Variants in SP3 observed in about 807,000 individuals in gnomAD.
SP3 encodes the protein transcription factor Sp3.
In SP3, 10 loss-of-function variants were observed where a neutral mutation model predicts 70.3. The ratio of observed to expected loss-of-function variants is 0.14; its 90% CI spans 0.09 to 0.24. The LOEUF is 0.24. SP3 is among the 10% of genes least tolerant of loss of function. The probability of loss-of-function intolerance (pLI) is 1.00; values close to 1 mark genes in which losing one functional copy is unlikely to be tolerated. For synonymous variants in SP3, 402 were observed against 333.5 expected (o/e 1.21, Z -2.24); for missense variants, 825 against 914.6 (o/e 0.90, Z 1.26).
At chr2:173,931,549 G>A (rs1690067673) in intron 4 of SP3, among the ~76,000 whole-genome samples, 1 of 133,458 alleles carries the variant, frequency 7.5e-6, no homozygotes, top group Non-Finnish European at 1.7e-5. Context: ...TCACCATATT[G>A]GCCAGGCTGG....
At chr2:173,926,627 G>C (rs1689917452) in intron 4 of SP3, among the ~76,000 whole-genome samples, 1 of 152,040 alleles carries the variant, frequency 6.6e-6, no homozygotes, top group Non-Finnish European at 1.5e-5. Context: ...AGCAAGACCA[G>C]TCTCTACCAA....
chr2:173,911,936 A>C (rs897692714), intron 6 of SP3, among the ~76,000 whole-genome samples: 5 of 145,576 alleles, frequency 3.4e-5, no homozygotes, highest in African/African-American at 1.0e-4. Flanking sequence ...CTCCCACCTC[A>C]GCCTCCTGAG....
chr2:173,951,772 CTA>C (rs1017615803), intron 4 of SP3, among the ~76,000 whole-genome samples: 49 of 152,192 alleles, frequency 3.2e-4, no homozygotes, highest in African/African-American at 1.2e-3. Context: ...TGTAAACTTT[CTA>C]TACTGTTATT....
chr2:173,965,061 GCA>G (rs1691248677), intron 1 of SP3, 102 bp downstream of exon 1: 8 of 1,438,876 alleles, frequency 5.6e-6, no homozygotes, highest in South Asian at 3.7e-5. Flanking sequence ...ACACTCGGTC[GCA>G]CACACGGGGC....
chr2:173,907,073 G>A lies in SP3; in HGVS notation c.*2868C>T, dbSNP rs923987783. The A allele has an allele frequency of 2.6e-5, 4 of 152,248 alleles. No homozygotes were observed. The highest frequency in any genetic ancestry group is 7.2e-5 in the African/African-American group (3 of 41,560). The allele number at this position is 152,248 out of a possible 1,614,324, so 9.4% of individuals were successfully genotyped here. A position where few individuals can be genotyped will look rare whatever the true frequency, so the allele number is the denominator to read the frequency against. ...AGGTGTAGCTCCTTTAAAAGGTTAT[G>A]TGCTTTTTGGTTGAGTCACTTTTCA... is the stretch of plus-strand genomic sequence containing the variant. On this transcript the variant is annotated 3_prime_UTR_variant, in exon 7 of 7. Transcript: ENST00000310015.
chr2:173,960,156 C>T (rs183562934), intron 3 of SP3, among the ~76,000 whole-genome samples: 102 of 152,254 alleles, frequency 6.7e-4, no homozygotes, highest in South Asian at 1.2e-3. Context: ...GGAGACAAAG[C>T]GAGCCTTTCT....
intron 4 of SP3, among the ~76,000 whole-genome samples, chr2:173,941,962 G>T (rs370334220): frequency 1.3e-5 from 2 of 152,046 alleles, no homozygotes; most frequent in African/African-American, 2.4e-5. Context: ...TCTCATTCAC[G>T]GTATCTTACC....
At chr2:173,932,471 G>A (rs771939313) in intron 4 of SP3, among the ~76,000 whole-genome samples, 1 of 152,166 alleles carries the variant, frequency 6.6e-6, no homozygotes, top group Non-Finnish European at 1.5e-5. Flanking sequence ...GATTACAGGA[G>A]TGAGCCACCG....
intron 6 of SP3, among the ~76,000 whole-genome samples, chr2:173,912,172 C>T (rs536041587): frequency 2.2e-4 from 33 of 152,354 alleles, no homozygotes; most frequent in Admixed American, 1.6e-3. Flanking sequence ...TTAATCTCAT[C>T]TGTCTACCTA....
At chr2:173,964,314 G>C (rs1419864663) in intron 2 of SP3, 91 bp downstream of exon 2, 7 of 600,602 alleles carry the variant, frequency 1.2e-5, no homozygotes, top group Non-Finnish European at 3.0e-6. Flanking sequence ...GAGACGAGGA[G>C]GGAGGGGTGA....
intron 4 of SP3, among the ~76,000 whole-genome samples, chr2:173,926,874 G>A (rs773682402): frequency 3.9e-5 from 6 of 152,032 alleles, no homozygotes; most frequent in Non-Finnish European, 7.4e-5. Context: ...GTATTAGTCC[G>A]TTCTCCCACT....
chr2:173,923,541 TAAGATA>T (rs1371657935), intron 4 of SP3, among the ~76,000 whole-genome samples: 1 of 152,118 alleles, frequency 6.6e-6, no homozygotes, highest in African/African-American at 2.4e-5. Context: ...ACAGAACATT[TAAGATA>T]AATTCTTAAC....
intron 3 of SP3, among the ~76,000 whole-genome samples, chr2:173,956,519 T>C (rs920804903): frequency 2.0e-5 from 3 of 152,154 alleles, no homozygotes; most frequent in Non-Finnish European, 4.4e-5. Flanking sequence ...TCTCTAACAC[T>C]ACACAGTTAA....
At chr2:173,960,814 C>CAAA (rs142922056) in intron 3 of SP3, among the ~76,000 whole-genome samples, 5 of 143,358 alleles carry the variant, frequency 3.5e-5, no homozygotes, top group Admixed American at 2.8e-4. Flanking sequence ...ACTAAAAATA[C>CAAA]AAAAAAAAAA....
At chr2:173,913,287 A>G (rs1184992698) in intron 5 of SP3, 21 bp from the exon 6 acceptor site, 13 of 1,455,508 alleles carry the variant, frequency 8.9e-6, no homozygotes, top group Non-Finnish European at 1.0e-5. Context: ...CACATAGAAT[A>G]ATATATACTT....
rs2105449506 is a variant in SP3 at position 173,907,563 on chromosome 2, C to T, written c.*2378G>A. 1 of 152,134 alleles carries T rather than the reference C, an allele frequency of 6.6e-6. No individual in the cohort carries two copies. Among genetic ancestry groups the T allele is most frequent in the East Asian group, 1.9e-4 (1 of 5,192 alleles). The allele number at this position is 152,134 out of a possible 1,614,324, so 9.4% of individuals were successfully genotyped here. ...CTTTCTTCATTGCATTCATTCTCCACGAATTCATAAAATATGCATGGACAC... is the reference window on the plus strand; with the variant it reads ...CTTTCTTCATTGCATTCATTCTCCATGAATTCATAAAATATGCATGGACAC... On this transcript the variant is annotated 3_prime_UTR_variant, in exon 7 of 7. Transcript: ENST00000310015.
chr2:173,960,404 G>A (rs1691030830), intron 3 of SP3, among the ~76,000 whole-genome samples: 1 of 152,210 alleles, frequency 6.6e-6, no homozygotes, highest in Non-Finnish European at 1.5e-5. Context: ...AAGAACAGGT[G>A]TGAAGCTGAG....
chr2:173,955,146 T>C lies in SP3; in HGVS notation c.1366A>G (p.Thr456Ala), dbSNP rs1690836921. 2 of 1,614,024 alleles carry C rather than the reference T, an allele frequency of 1.2e-6. No homozygotes were observed. The highest frequency in any genetic ancestry group is 2.2e-5 in the East Asian group (1 of 44,890). ...GTFLIQAQTV[T>A]PSGQVTWQTF... The stretch of plus-strand genomic sequence containing the variant: ...TGCCAAGTTACCTGTCCAGAAGGGG[T>C]CACTGTCTGTGCCTGAATTAAAAAG... The change falls in exon 4 of 7, where the codon ACC becomes GCC. Residue 456 changes from threonine to alanine, a missense_variant. Physicochemically the swap from Thr to Ala is moderately conservative, Grantham distance 58. Coordinates refer to ENST00000310015, the MANE Select transcript of SP3 (RefSeq NM_003111.5).
chr2:173,924,075 A>C (rs1049822902), intron 4 of SP3, among the ~76,000 whole-genome samples: 7 of 152,094 alleles, frequency 4.6e-5, no homozygotes, highest in African/African-American at 1.7e-4. Context: ...TTATCCCCTT[A>C]CCAAATATAA....
Sources: gnomAD v4.1 joint callset for allele counts (sites outside exome capture counted in the v4.1 genomes callset) on GRCh38, gnomAD v4.1.1 for gene constraint, MANE v1.5 for transcripts, NCBI Gene and HGNC (gene_info 2026-07-23, HGNC 2026-07-21) for gene names.